DMD: variants seen among roughly 807,000 people sequenced by gnomAD.
DMD encodes mutant dystrophin.
DMD carries 63 observed loss-of-function variants against 330.1 expected under a neutral mutation model. The ratio of observed to expected loss-of-function variants is 0.19; its 90% confidence interval spans 0.16 to 0.24. The LOEUF (loss-of-function observed/expected upper bound fraction) is 0.24, where lower values mean the gene tolerates loss of function less well. DMD is among the 10% of genes least tolerant of loss of function. The pLI is 1.00. For synonymous variants in DMD, 1,223 were observed against 959.8 expected (o/e 1.27, Z -5.07); for missense variants, 3,344 against 2,684.1 (o/e 1.25, Z -5.43).
intron 55 of DMD, among the ~76,000 whole-genome samples, chrX:31,510,626 G>A (rs1338097610): frequency 1.9e-5 from 2 of 106,551 alleles, no homozygotes; most frequent in Non-Finnish European, 3.8e-5. Context: ...TCCTGCCTCA[G>A]CCTCCCAAGT....
At position 31,954,927 on chromosome X, in the gene DMD, G is replaced by T. The variant is rs1365941384; in HGVS notation, c.6614+13412C>A. ...CATGCCTGTAATCCCCGCACTTTGG[G>T]AGGCTGAGGTGGGTGGATCACTTGA... On this transcript the variant is annotated intron_variant, in intron 45 of 78. Coordinates refer to ENST00000357033, the MANE Select transcript of DMD (RefSeq NM_004006.3). 2.8e-5 allele frequency among the ~76,000 whole-genome samples: 3 copies of T among 107,641 alleles called. No homozygotes were observed. The Admixed American group carries it at 3.0e-4, about 11-fold the overall frequency. The allele number at this position is 107,641 out of a possible 115,157, so 93.5% of individuals were successfully genotyped here. A position where few individuals can be genotyped will look rare whatever the true frequency, so the allele number is the denominator to read the frequency against.
intron 60 of DMD, among the ~76,000 whole-genome samples, chrX:31,434,150 G>A (rs1241863368): frequency 9.0e-6 from 1 of 111,075 alleles, no homozygotes; most frequent in Non-Finnish European, 1.9e-5. Context: ...TGATAATGAT[G>A]GGAAATCTTC....
At chrX:31,620,131 T>C (rs1014460463) in intron 55 of DMD, among the ~76,000 whole-genome samples, 6 of 111,590 alleles carry the variant, frequency 5.4e-5, no homozygotes, top group Non-Finnish European at 1.1e-4. Context: ...AAGAAGACAA[T>C]CATGTGAGTC....
chrX:33,164,199 A>G (rs2048941603), intron 1 of DMD, among the ~76,000 whole-genome samples: 1 of 111,974 alleles, frequency 8.9e-6, no homozygotes, highest in South Asian at 3.7e-4. Context: ...GAATATGCAC[A>G]AAACAAGTTT....
chrX:32,391,058 A>G (rs1304900478), intron 30 of DMD, among the ~76,000 whole-genome samples: 1 of 111,903 alleles, frequency 8.9e-6, no homozygotes, highest in African/African-American at 3.2e-5. Context: ...TTCTGCATTT[A>G]ACATATGAAT....
chrX:31,302,309 C>A (rs2054709034), intron 62 of DMD, among the ~76,000 whole-genome samples: 1 of 111,358 alleles, frequency 9.0e-6, no homozygotes, highest in Non-Finnish European at 1.9e-5. Context: ...GTTGTTGGAA[C>A]TATCAGACAG....
intron 7 of DMD, among the ~76,000 whole-genome samples, chrX:32,774,244 C>T (rs2073923753): frequency 9.0e-6 from 1 of 111,442 alleles, no homozygotes; most frequent in Admixed American, 9.5e-5. Context: ...TACCAAGTAC[C>T]CCTTCTTTCA....
intron 13 of DMD, among the ~76,000 whole-genome samples, chrX:32,577,175 A>T (rs1474578552): frequency 1.8e-5 from 2 of 111,561 alleles, no homozygotes; most frequent in Non-Finnish European, 3.8e-5. Context: ...ACACAGCAAA[A>T]CACCAGGGAT....
intron 2 of DMD, among the ~76,000 whole-genome samples, chrX:32,986,523 C>T (rs957924995): frequency 2.7e-5 from 3 of 112,098 alleles, no homozygotes; most frequent in African/African-American, 9.7e-5. Context: ...CAACACATTA[C>T]GGCCAATTCA....
chrX:32,807,275 C>G (rs1400377784), intron 7 of DMD, among the ~76,000 whole-genome samples: 33 of 109,056 alleles, frequency 3.0e-4, no homozygotes, highest in African/African-American at 1.0e-3. Context: ...GGGATATCAC[C>G]ACTGATCCCA....
chrX:32,597,443 TGA>T (rs1354711946), intron 12 of DMD, among the ~76,000 whole-genome samples: 6 of 111,689 alleles, frequency 5.4e-5, no homozygotes, highest in African/African-American at 2.0e-4. Flanking sequence ...CATGCACAGA[TGA>T]GTTTGTTCCT....
chrX:31,496,162 T>C (rs1319581261), intron 57 of DMD, among the ~76,000 whole-genome samples: 1 of 111,908 alleles, frequency 8.9e-6, no homozygotes, highest in African/African-American at 3.2e-5. Context: ...CAAAAAGTAA[T>C]AAAAAGACCA....
At chrX:31,414,451 A>G (rs958539399) in intron 60 of DMD, among the ~76,000 whole-genome samples, 1 of 112,517 alleles carries the variant, frequency 8.9e-6, no homozygotes, top group Non-Finnish European at 1.9e-5. Context: ...AGTCATACTG[A>G]TGCTTTGTTA....
rs113829308 is a variant in DMD at position 32,227,142 on chromosome X, T to C, written c.6291-10079A>G. On this transcript the variant is annotated intron_variant, in intron 43 of 78. Coordinates refer to ENST00000357033, the MANE Select transcript of DMD (RefSeq NM_004006.3). ...GTCAATAGCATTATTTAAAAACAGA[T>C]GATTGGATAAAGAATATGTGGAGAT... Among the ~76,000 whole-genome samples, 577 of 102,726 alleles carry C rather than the reference T, an allele frequency of 5.6e-3. 9 individuals are homozygous for C. Among genetic ancestry groups the C allele is most frequent in the African/African-American group, 0.019 (550 of 28,698 alleles). 89.2% of individuals were successfully genotyped at this position (102,726 alleles called of 115,157 possible).
chrX:32,306,369 G>C lies in DMD; in HGVS notation c.6117+3713C>G, dbSNP rs1274428856. Among the ~76,000 whole-genome samples the C allele has an allele frequency of 7.2e-5, 8 of 110,778 alleles. No individual in the cohort carries two copies. The Admixed American group carries it at 7.7e-4, about 11-fold the overall frequency. On this transcript the variant is annotated intron_variant, in intron 42 of 78. Coordinates refer to ENST00000357033, the MANE Select transcript of DMD (RefSeq NM_004006.3). ...ACGACCTGGCTTCACACTATCTTTG[G>C]CTTATAAGCTCACTACCAGCTTTCC...
intron 63 of DMD, among the ~76,000 whole-genome samples, chrX:31,250,751 T>G (rs745885825): frequency 1.8e-5 from 2 of 111,298 alleles, no homozygotes; most frequent in African/African-American, 6.5e-5. Context: ...TCAGTTTCAT[T>G]AGCACCACCT....
chrX:31,788,472 A>G (rs189522676), intron 50 of DMD, among the ~76,000 whole-genome samples: 225 of 111,116 alleles, frequency 2.0e-3, no homozygotes, highest in Non-Finnish European at 3.3e-3. Context: ...ATTTGTTAGG[A>G]CTCATTTTGT....
chrX:32,992,291 G>A (rs2092997210), intron 2 of DMD, among the ~76,000 whole-genome samples: 1 of 111,894 alleles, frequency 8.9e-6, no homozygotes. Context: ...ACAATGGGAA[G>A]TAAGACAACA....
chrX:32,345,412 G>A (rs934764133), intron 39 of DMD, among the ~76,000 whole-genome samples: 3 of 111,162 alleles, frequency 2.7e-5, no homozygotes, highest in Non-Finnish European at 5.7e-5. Flanking sequence ...TTATTTTTTA[G>A]GATTCCTACA....
Sources: allele counts gnomAD v4.1 joint callset (sites outside exome capture counted in the v4.1 genomes callset), GRCh38; gene constraint gnomAD v4.1.1; transcripts MANE v1.5; gene names NCBI Gene and HGNC (gene_info 2026-07-23, HGNC 2026-07-21).